Variants in TENM3 observed in about 807,000 individuals in gnomAD.
TENM3 encodes the protein teneurin-3.
TENM3 carries 63 observed loss-of-function variants against 255.1 expected under a neutral mutation model. The observed-to-expected ratio is 0.25, with a 90% CI of 0.20 to 0.30. TENM3 has a LOEUF of 0.30. TENM3 is among the 10% of genes least tolerant of loss of function. TENM3 has a pLI of 1.00. For synonymous variants in TENM3, 1,306 were observed against 1,322.3 expected, an observed-to-expected ratio of 0.99 and a Z score of 0.27; for missense variants, 2,929 against 3,461.1, an observed-to-expected ratio of 0.85 and a Z score of 3.86.
the TENM3 span, among the ~76,000 whole-genome samples, chr4:182,015,767 G>T: frequency 6.6e-6 from 1 of 151,442 alleles, no homozygotes; most frequent in Non-Finnish European, 1.5e-5. Context: ...CACCATGTTG[G>T]CCAGGCTGGT....
At chr4:181,574,387 C>A in the TENM3 span, among the ~76,000 whole-genome samples, 66 of 151,660 alleles carry the variant, frequency 4.4e-4, no homozygotes, top group African/African-American at 1.5e-3. Flanking sequence ...AAAAATTAGC[C>A]GGGCGCGGTG....
the TENM3 span, among the ~76,000 whole-genome samples, chr4:182,009,575 G>A: frequency 6.6e-6 from 1 of 152,156 alleles, no homozygotes; most frequent in Non-Finnish European, 1.5e-5. Flanking sequence ...AGCCTCCCTG[G>A]CTCCAGCAGG....
At chr4:182,591,262 A>C (rs998062490) in intron 3 of TENM3, among the ~76,000 whole-genome samples, 43 of 152,304 alleles carry the variant, frequency 2.8e-4, no homozygotes, top group African/African-American at 1.0e-3. Flanking sequence ...AAAGAGAGAG[A>C]GAACGTGAAG....
chr4:181,598,373 A>G, the TENM3 span, among the ~76,000 whole-genome samples: 2 of 152,138 alleles, frequency 1.3e-5, no homozygotes, highest in East Asian at 1.9e-4. Context: ...TCCTTCCCAC[A>G]ACAGTGGTTG....
At chr4:182,575,242 A>G (rs866962048) in intron 3 of TENM3, among the ~76,000 whole-genome samples, 22 of 152,148 alleles carry the variant, frequency 1.4e-4, no homozygotes, top group African/African-American at 4.6e-4. Flanking sequence ...AGTATACACA[A>G]TCTCTTTGGA....
chr4:181,594,961 C>T, the TENM3 span, among the ~76,000 whole-genome samples: 1 of 152,098 alleles, frequency 6.6e-6, no homozygotes, highest in Non-Finnish European at 1.5e-5. Context: ...GGTAGAATTT[C>T]ACAGAAAGGC....
chr4:182,381,019 G>C (rs1476656984), intron 3 of TENM3, among the ~76,000 whole-genome samples: 2 of 152,242 alleles, frequency 1.3e-5, no homozygotes, highest in African/African-American at 4.8e-5. Context: ...TGCTAGCACA[G>C]GGCTGACGCT....
chr4:182,650,889 A>AAAATATATATAT (rs1281790163), intron 5 of TENM3, among the ~76,000 whole-genome samples: 13 of 29,714 alleles, frequency 4.4e-4, no homozygotes, highest in East Asian at 4.0e-3. Context: ...AATAAAAAAA[A>AAAATATATATAT]ATATATATAT....
the TENM3 span, among the ~76,000 whole-genome samples, chr4:181,716,030 A>C: frequency 1.3e-5 from 2 of 152,186 alleles, no homozygotes; most frequent in Non-Finnish European, 1.5e-5. Flanking sequence ...TACATTTTTA[A>C]ACTTGAAGAA....
chr4:181,641,607 A>G, the TENM3 span, among the ~76,000 whole-genome samples: 58 of 11,236 alleles, frequency 5.2e-3, 2 homozygotes, highest in Non-Finnish European at 7.4e-3. Flanking sequence ...GTGTGTGTGT[A>G]TATATATATA....
the TENM3 span, among the ~76,000 whole-genome samples, chr4:181,866,637 A>G: frequency 1.3e-5 from 2 of 152,144 alleles, no homozygotes; most frequent in Admixed American, 6.6e-5. Context: ...GAATAACCGA[A>G]TATCAGGCCA....
chr4:182,710,607 A>G (rs1449719114), intron 12 of TENM3, among the ~76,000 whole-genome samples: 1 of 152,220 alleles, frequency 6.6e-6, no homozygotes, highest in East Asian at 1.9e-4. Context: ...TTGTTTACAC[A>G]CATGACAGAA....
intron 12 of TENM3, among the ~76,000 whole-genome samples, chr4:182,712,430 TAAAAAAAAAAAAAA>T (rs79642394): frequency 1.4e-5 from 2 of 140,980 alleles, no homozygotes; most frequent in African/African-American, 5.3e-5. Context: ...TCGTTTTCAT[TAAAAAAAAAAAAAA>T]AAAAACACAT....
chr4:181,856,135 AGAAG>A, the TENM3 span, among the ~76,000 whole-genome samples: 30 of 115,474 alleles, frequency 2.6e-4, no homozygotes, highest in African/African-American at 8.3e-4. Context: ...GAAAGAAGGA[AGAAG>A]GAAGGAAGGA....
chr4:181,866,081 AG>A, the TENM3 span, among the ~76,000 whole-genome samples: 3 of 152,310 alleles, frequency 2.0e-5, no homozygotes, highest in Admixed American at 6.5e-5. Flanking sequence ...GGTTTTTGCA[AG>A]GGAAAAGTTA....
At chr4:182,055,568 G>T in the TENM3 span, among the ~76,000 whole-genome samples, 1 of 151,988 alleles carries the variant, frequency 6.6e-6, no homozygotes, top group Non-Finnish European at 1.5e-5. Context: ...TACCTTCCTG[G>T]GGCTAGGAGG....
chr4:181,514,345 T>C, the TENM3 span, among the ~76,000 whole-genome samples: 3 of 152,334 alleles, frequency 2.0e-5, no homozygotes, highest in African/African-American at 7.2e-5. Context: ...AACATCATAT[T>C]GAAAATTCCA....
intron 3 of TENM3, among the ~76,000 whole-genome samples, chr4:182,495,022 A>G (rs371613401): frequency 6.6e-6 from 1 of 152,126 alleles, no homozygotes; most frequent in Non-Finnish European, 1.5e-5. Context: ...GCACTTTTTC[A>G]TAGGCATCTT....
chr4:181,606,824 AG>A, the TENM3 span, among the ~76,000 whole-genome samples: 2 of 152,022 alleles, frequency 1.3e-5, no homozygotes, highest in Non-Finnish European at 2.9e-5. Flanking sequence ...CAGGGCTCCA[AG>A]GGCAGAATGT....
Sources: gnomAD v4.1 joint callset for allele counts (sites outside exome capture counted in the v4.1 genomes callset) on GRCh38, gnomAD v4.1.1 for gene constraint, MANE v1.5 for transcripts, NCBI Gene and HGNC (gene_info 2026-07-23, HGNC 2026-07-21) for gene names.